Variants in STEAP1B observed in about 807,000 individuals in gnomAD.
STEAP1B encodes the protein STEAP family protein MGC87042.
In STEAP1B, 13 loss-of-function variants were observed where a neutral mutation model predicts 27.9. The ratio of observed to expected loss-of-function variants is 0.47; its 90% CI spans 0.30 to 0.74. The LOEUF (loss-of-function observed/expected upper bound fraction) is 0.74. Among genes scored for constraint, STEAP1B ranks in the 30% least tolerant of loss-of-function variants. STEAP1B has a pLI of 0.06. For synonymous variants in STEAP1B, 86 were observed against 107.1 expected (o/e 0.80, Z 1.22); for missense variants, 250 against 298.7 (o/e 0.84, Z 1.20).
chr7:22,436,721 C>T (rs1035227482), intron 4 of STEAP1B, among the ~76,000 whole-genome samples: 24 of 152,166 alleles, frequency 1.6e-4, no homozygotes, highest in African/African-American at 4.8e-4. Flanking sequence ...AAAGGACATG[C>T]TCTCATTCCT....
intron 1 of STEAP1B, among the ~76,000 whole-genome samples, chr7:22,498,162 G>C (rs981770227): frequency 6.6e-6 from 1 of 152,220 alleles, no homozygotes; most frequent in African/African-American, 2.4e-5. Flanking sequence ...GTGCAGCCCA[G>C]TTCCTAACAG....
intron 4 of STEAP1B, among the ~76,000 whole-genome samples, chr7:22,484,004 G>C (rs1186191172): frequency 1.3e-5 from 2 of 152,224 alleles, no homozygotes; most frequent in African/African-American, 4.8e-5. Context: ...AAAGCTGAGA[G>C]AGGTGAGGAA....
intron 4 of STEAP1B, among the ~76,000 whole-genome samples, chr7:22,425,379 C>T (rs1785093312): frequency 6.6e-6 from 1 of 152,166 alleles, no homozygotes; most frequent in Non-Finnish European, 1.5e-5. Context: ...ATATTTGTTG[C>T]ATTTGATCAT....
At position 22,466,100 on chromosome 7, in the gene STEAP1B, T is replaced by G. The variant is rs149878082; in HGVS notation, c.762+26465A>C. Among the ~76,000 whole-genome samples the G allele has an allele frequency of 1.2e-3, 179 of 152,324 alleles. 1 individual carries two copies. Among genetic ancestry groups the G allele is most frequent in the Non-Finnish European group, 2.1e-3 (140 of 68,026 alleles). ...CTGAAGTTACTGCTCTCAGCTCCAT[T>G]TACCCTTCACTAGGTCACACCTATA... On this transcript the variant is annotated intron_variant, in intron 4 of 4. Transcript: ENST00000678116.
At chr7:22,455,053 T>C (rs1483994080) in intron 4 of STEAP1B, among the ~76,000 whole-genome samples, 2 of 151,706 alleles carry the variant, frequency 1.3e-5, no homozygotes, top group African/African-American at 2.4e-5. Flanking sequence ...TTAGTAGAGA[T>C]GAGGTTTCAC....
At chr7:22,483,011 C>G (rs992478542) in intron 4 of STEAP1B, among the ~76,000 whole-genome samples, 1 of 152,198 alleles carries the variant, frequency 6.6e-6, no homozygotes, top group Admixed American at 6.5e-5. Flanking sequence ...GCACATCATC[C>G]CACCAACTTT....
chr7:22,441,289 A>G (rs573774242), intron 4 of STEAP1B, among the ~76,000 whole-genome samples: 1 of 152,292 alleles, frequency 6.6e-6, no homozygotes, highest in South Asian at 2.1e-4. Context: ...TTGTTTATGC[A>G]TCATTCTTTC....
chr7:22,442,876 G>A (rs1386851075), intron 4 of STEAP1B, among the ~76,000 whole-genome samples: 1 of 152,156 alleles, frequency 6.6e-6, no homozygotes, highest in Non-Finnish European at 1.5e-5. Context: ...CTGGATGGAA[G>A]GAACACAGGA....
intron 4 of STEAP1B, among the ~76,000 whole-genome samples, chr7:22,445,346 AG>A (rs1411075084): frequency 6.6e-6 from 1 of 152,252 alleles, no homozygotes; most frequent in African/African-American, 2.4e-5. Flanking sequence ...CTTCAGATCA[AG>A]GGGACTGACA....
Position 22,419,779 on chromosome 7 carries a change from C to G in STEAP1B, c.*25G>C. 1 of 1,548,618 alleles carries G rather than the reference C, an allele frequency of 6.5e-7. No homozygotes were observed. On this transcript the variant is annotated 3_prime_UTR_variant, in exon 5 of 5. Coordinates refer to ENST00000678116, the MANE Select transcript of STEAP1B (RefSeq NM_001382447.1). Reference sequence around the variant, plus strand: ...GTGCTCCAAAGCCTCGTTCTCATTTCCTCTCATGTTACTGGCAGGATCTGT... The same window carrying G: ...GTGCTCCAAAGCCTCGTTCTCATTTGCTCTCATGTTACTGGCAGGATCTGT...
chr7:22,461,065 A>G (rs1368128524), intron 4 of STEAP1B, among the ~76,000 whole-genome samples: 1 of 152,142 alleles, frequency 6.6e-6, no homozygotes, highest in Non-Finnish European at 1.5e-5. Flanking sequence ...TCAGCTCCAC[A>G]ATACGGAACA....
chr7:22,487,435 G>C (rs1786229709), intron 4 of STEAP1B, among the ~76,000 whole-genome samples: 2 of 151,956 alleles, frequency 1.3e-5, no homozygotes, highest in Middle Eastern at 3.4e-3. Flanking sequence ...TTGATAGTTA[G>C]ATAAAAGGTT....
At chr7:22,471,671 G>A (rs929219947) in intron 4 of STEAP1B, among the ~76,000 whole-genome samples, 1 of 152,144 alleles carries the variant, frequency 6.6e-6, no homozygotes, top group Admixed American at 6.5e-5. Flanking sequence ...ATGGGAGGCT[G>A]AGGTAGGATT....
chr7:22,448,672 T>C (rs1033350905), intron 4 of STEAP1B, among the ~76,000 whole-genome samples: 2 of 151,360 alleles, frequency 1.3e-5, no homozygotes, highest in African/African-American at 4.9e-5. Flanking sequence ...AGAGGTATAC[T>C]TTTTTTTTGA....
chr7:22,424,844 G>A (rs1785086198), intron 4 of STEAP1B, among the ~76,000 whole-genome samples: 1 of 149,884 alleles, frequency 6.7e-6, no homozygotes. Flanking sequence ...AAATACTTGA[G>A]TTATCATATT....
intron 4 of STEAP1B, among the ~76,000 whole-genome samples, chr7:22,456,564 G>T (rs1785580793): frequency 6.6e-6 from 1 of 152,144 alleles, no homozygotes; most frequent in African/African-American, 2.4e-5. Flanking sequence ...ATCTATTTCA[G>T]ATGTGAGTTG....
At chr7:22,474,212 T>C (rs190285490) in intron 4 of STEAP1B, among the ~76,000 whole-genome samples, 2 of 152,202 alleles carry the variant, frequency 1.3e-5, no homozygotes, top group Non-Finnish European at 2.9e-5. Flanking sequence ...AGATGTCCCA[T>C]GATCATTTAA....
chr7:22,459,709 C>T (rs1223816933), intron 4 of STEAP1B, among the ~76,000 whole-genome samples: 1 of 152,166 alleles, frequency 6.6e-6, no homozygotes, highest in Non-Finnish European at 1.5e-5. Flanking sequence ...TAGGATTCTT[C>T]CACCAACATC....
rs1427965557 is a variant in STEAP1B at position 22,493,524 on chromosome 7, C to G, written c.397G>C (p.Gly133Arg). ...ITLLALVYLP[G>R]VIAAIVQVHN... ...ACTTGGACAATTGCTGCTATCACAC[C>G]TGGTAGGTAAACCAATGCCAAGAGA... is the stretch of plus-strand genomic sequence containing the variant. The change falls in exon 3 of 5, where the codon GGT becomes CGT. Residue 133 changes from glycine to arginine, a missense_variant. Physicochemically the swap from Gly to Arg is moderately radical, Grantham distance 125 (BLOSUM62 -2). Coordinates refer to ENST00000678116, the MANE Select transcript of STEAP1B (RefSeq NM_001382447.1). The G allele has an allele frequency of 3.7e-6, 6 of 1,613,872 alleles. No homozygotes were observed. The highest frequency in any genetic ancestry group is 5.1e-6 in the Non-Finnish European group (6 of 1,179,846).
Sources: gnomAD v4.1 joint callset for allele counts (sites outside exome capture counted in the v4.1 genomes callset) on GRCh38, gnomAD v4.1.1 for gene constraint, MANE v1.5 for transcripts, NCBI Gene and HGNC (gene_info 2026-07-23, HGNC 2026-07-21) for gene names.